Variants in GLI2 observed in about 807,000 individuals in gnomAD.
GLI2 encodes the protein transcription activator GLI2.
Under a neutral mutation model 78.9 loss-of-function variants are expected in GLI2, and 22 were observed. The observed-to-expected ratio is 0.28, with a 90% CI of 0.20 to 0.40. The LOEUF (loss-of-function observed/expected upper bound fraction) is 0.40. Among genes scored for constraint, GLI2 ranks in the 10% least tolerant of loss-of-function variants. The pLI, the probability that GLI2 is intolerant of heterozygous loss-of-function variation, is 1.00. For missense variants in GLI2, 2,097 were observed against 2,213.2 expected (o/e 0.95, Z 1.05); for synonymous variants, 974 against 963.7 (o/e 1.01, Z -0.20).
intron 11 of GLI2, 106 bp downstream of exon 11, chr2:120,982,986 G>C (rs878874452): frequency 1.9e-6 from 2 of 1,035,400 alleles, no homozygotes; most frequent in East Asian, 2.6e-5. Context: ...CCCATGTCCC[G>C]CCCCCGCCAC....
chr2:120,931,463 C>T (rs1448442628), intron 3 of GLI2, among the ~76,000 whole-genome samples: 2 of 152,182 alleles, frequency 1.3e-5, no homozygotes, highest in African/African-American at 4.8e-5. Flanking sequence ...TCTTAAGTCC[C>T]GTTTGCTGTA....
chr2:120,847,047 C>T (rs565913679), intron 2 of GLI2, among the ~76,000 whole-genome samples: 1,925 of 151,894 alleles, frequency 0.013, 33 homozygotes, highest in African/African-American at 0.044. Flanking sequence ...ATGGTTAGAC[C>T]GTCATGGCTT....
At chr2:120,945,952 C>A (rs897733749) in intron 3 of GLI2, among the ~76,000 whole-genome samples, 1 of 142,850 alleles carries the variant, frequency 7.0e-6, no homozygotes. Context: ...TCAGGCATAA[C>A]CTTCTCACAC....
Position 120,984,682 on chromosome 2 carries a change from GCAC to G in GLI2, c.1847_1849del (p.Thr616del). 2.5e-6 allele frequency: 4 copies of G among 1,613,640 alleles called. No homozygotes were observed. Among genetic ancestry groups the G allele is most frequent in the Non-Finnish European group, 3.4e-6 (4 of 1,180,004 alleles). On this transcript the variant is annotated inframe_deletion, in exon 12 of 14. Coordinates refer to ENST00000361492, the MANE Select transcript of GLI2 (RefSeq NM_001374353.1). ...GGCCCAGAGAGCACCGAGGCCAGCA[GCAC>G]CAGCCAGGCCGTGGAGGACTGCCTG...
intron 2 of GLI2, among the ~76,000 whole-genome samples, chr2:120,880,540 G>A (rs1209243746): frequency 6.6e-6 from 1 of 152,114 alleles, no homozygotes; most frequent in Non-Finnish European, 1.5e-5. Flanking sequence ...GCCCGCAGGA[G>A]GGGAAACCAG....
In GLI2 at chr2:120,978,418, C is replaced by T. The variant is rs1193622920; in HGVS notation, c.1318-16C>T. The T allele has an allele frequency of 6.2e-7, 1 of 1,613,938 alleles. No individual in the cohort carries two copies. The highest frequency in any genetic ancestry group is 1.3e-5 in the African/African-American group (1 of 74,940). On this transcript the variant is annotated splice_polypyrimidine_tract_variant and intron_variant, in intron 9 of 13. Coordinates refer to ENST00000361492, the MANE Select transcript of GLI2 (RefSeq NM_001374353.1). ...CTGGCCCTGCTTACCCTCTTCTGGG[C>T]ATGTCCCTCCGGCAGCACATCAACA...
intron 2 of GLI2, among the ~76,000 whole-genome samples, chr2:120,876,658 A>C (rs1688763370): frequency 6.6e-6 from 1 of 151,996 alleles, no homozygotes; most frequent in South Asian, 2.1e-4. Context: ...GGAGGGACAC[A>C]GGTGAGTCAC....
intron 2 of GLI2, among the ~76,000 whole-genome samples, chr2:120,896,660 CAT>C (rs1383345652): frequency 0.074 from 2,179 of 29,572 alleles, 57 homozygotes; most frequent in African/African-American, 0.22. Flanking sequence ...CACACACACA[CAT>C]ACACCCACCC....
intron 2 of GLI2, among the ~76,000 whole-genome samples, chr2:120,887,861 G>T (rs1047706155): frequency 1.3e-5 from 2 of 152,192 alleles, no homozygotes; most frequent in Non-Finnish European, 2.9e-5. Context: ...GGATCCTAAC[G>T]CAGTGCTAGA....
In GLI2 at chr2:120,747,370, G is replaced by A. The variant is rs530155456; in HGVS notation, c.-31+11085G>A. Among the ~76,000 whole-genome samples the A allele has an allele frequency of 3.3e-5, 5 of 152,254 alleles. No homozygotes were observed. The East Asian group carries it at 7.7e-4, about 24-fold the overall frequency. On this transcript the variant is annotated intron_variant, in intron 1 of 13. Transcript: ENST00000361492. The stretch of plus-strand genomic sequence containing the variant: ...TAAGCAGGGCCTCAGAGACACTGGC[G>A]GATCTCCATGTTCACCTGGGCAGTA...
chr2:120,954,593 G>T (rs982599653), intron 4 of GLI2, among the ~76,000 whole-genome samples: 24 of 152,218 alleles, frequency 1.6e-4, no homozygotes, highest in African/African-American at 5.8e-4. Flanking sequence ...TCTTGATGGG[G>T]GTGCTAGGTT....
At chr2:120,751,959 C>T (rs1052210975) in intron 1 of GLI2, among the ~76,000 whole-genome samples, 2 of 152,160 alleles carry the variant, frequency 1.3e-5, no homozygotes, top group Admixed American at 1.3e-4. Context: ...CAGTTTCTTT[C>T]TGATGCAAAA....
chr2:120,957,068 T>G (rs866720546), intron 5 of GLI2, among the ~76,000 whole-genome samples: 8 of 152,244 alleles, frequency 5.3e-5, no homozygotes, highest in African/African-American at 1.7e-4. Flanking sequence ...CACCTCACAT[T>G]GCTCCTCAGC....
At chr2:120,807,505 T>C (rs2104718118) in intron 2 of GLI2, among the ~76,000 whole-genome samples, 1 of 152,282 alleles carries the variant, frequency 6.6e-6, no homozygotes, top group Non-Finnish European at 1.5e-5. Flanking sequence ...TTAAAAATAT[T>C]TGAGAGAGCA....
chr2:120,790,774 G>A (rs1684130938), intron 1 of GLI2, among the ~76,000 whole-genome samples: 1 of 152,184 alleles, frequency 6.6e-6, no homozygotes, highest in African/African-American at 2.4e-5. Context: ...TTCATGTACA[G>A]TGATGGGAAG....
Position 120,780,962 on chromosome 2 carries a change from G to T in GLI2, c.-30-16329G>T, listed in dbSNP as rs960534475. Among the ~76,000 whole-genome samples, 3 of 152,308 alleles carry T rather than the reference G, an allele frequency of 2.0e-5. No homozygotes were observed. In the South Asian group the frequency reaches 6.2e-4, roughly 32 times the overall value. ...TGGCAGCCCCAGCTGCCCTGGGGCT[G>T]TGAGCTGGCTCACCCCTCTGTCCTG... On this transcript the variant is annotated intron_variant, in intron 1 of 13. Transcript: ENST00000361492.
At chr2:120,830,829 T>G (rs1686324015) in intron 2 of GLI2, among the ~76,000 whole-genome samples, 1 of 152,160 alleles carries the variant, frequency 6.6e-6, no homozygotes, top group African/African-American at 2.4e-5. Flanking sequence ...CTTCTCTGAC[T>G]TTGTTGCTGT....
At chr2:120,790,651 C>T (rs1433359446) in intron 1 of GLI2, among the ~76,000 whole-genome samples, 1 of 152,204 alleles carries the variant, frequency 6.6e-6, no homozygotes, top group Admixed American at 6.5e-5. Flanking sequence ...CCCTTCACAC[C>T]TTCCTGAGCT....
chr2:120,944,510 G>A (rs1239070730), intron 3 of GLI2, among the ~76,000 whole-genome samples: 1 of 152,208 alleles, frequency 6.6e-6, no homozygotes, highest in Non-Finnish European at 1.5e-5. Flanking sequence ...ATCAGTGGGG[G>A]TGGCCCCCTC....
Sources: allele counts gnomAD v4.1 joint callset (sites outside exome capture counted in the v4.1 genomes callset), GRCh38; gene constraint gnomAD v4.1.1; transcripts MANE v1.5; gene names NCBI Gene and HGNC (gene_info 2026-07-23, HGNC 2026-07-21).